The following SYN3 variants were observed in gnomAD, a reference collection of about 807,000 sequenced individuals.
The protein encoded by SYN3 is synapsin-3.
Under a neutral mutation model 65.8 loss-of-function variants are expected in SYN3, and 35 were observed. The ratio of observed to expected loss-of-function variants is 0.53; its 90% CI spans 0.41 to 0.70. The LOEUF is 0.70. SYN3 is among the 30% of genes least tolerant of loss of function. The pLI, the probability that SYN3 is intolerant of heterozygous loss-of-function variation, is 0.00. For synonymous variants in SYN3, 270 were observed against 292.9 expected, an observed-to-expected ratio of 0.92 and a Z score of 0.80; for missense variants, 680 against 749.0, an observed-to-expected ratio of 0.91 and a Z score of 1.08.
At chr22:32,557,427 G>A (rs2146333510) in intron 7 of SYN3, among the ~76,000 whole-genome samples, 1 of 152,194 alleles carries the variant, frequency 6.6e-6, no homozygotes, top group East Asian at 1.9e-4. Context: ...GTTGGCATGG[G>A]GCTTCATCTC....
At chr22:32,941,396 ACT>A (rs1483328926) in intron 3 of SYN3, among the ~76,000 whole-genome samples, 2 of 151,682 alleles carry the variant, frequency 1.3e-5, no homozygotes. Flanking sequence ...GCTTGAGCCC[ACT>A]CTCTCATTTG....
At chr22:32,762,324 G>T (rs2045506446) in intron 6 of SYN3, among the ~76,000 whole-genome samples, 1 of 152,022 alleles carries the variant, frequency 6.6e-6, no homozygotes, top group African/African-American at 2.4e-5. Context: ...CTTCCTCAGG[G>T]TTATAGCGGT....
intron 7 of SYN3, among the ~76,000 whole-genome samples, chr22:32,592,713 C>A (rs1281708582): frequency 1.6e-4 from 24 of 152,142 alleles, no homozygotes; most frequent in Admixed American, 1.6e-3. Context: ...TCCTAGGATG[C>A]CTTTTCCAAC....
At chr22:32,551,999 C>T (rs1375955582) in intron 7 of SYN3, among the ~76,000 whole-genome samples, 1 of 152,230 alleles carries the variant, frequency 6.6e-6, no homozygotes, top group South Asian at 2.1e-4. Flanking sequence ...GTCTGTAATC[C>T]CAGCACTTTG....
intron 6 of SYN3, among the ~76,000 whole-genome samples, chr22:32,707,736 G>A (rs1214180828): frequency 1.3e-5 from 2 of 152,148 alleles, no homozygotes; most frequent in Non-Finnish European, 2.9e-5. Flanking sequence ...GGTTTGGCCT[G>A]CTGCCTCCTG....
chr22:32,674,121 A>G (rs1051252932), intron 6 of SYN3, among the ~76,000 whole-genome samples: 4 of 152,106 alleles, frequency 2.6e-5, no homozygotes, highest in African/African-American at 9.7e-5. Flanking sequence ...GGCAGCCTAG[A>G]TATGGGTAGA....
At chr22:33,014,029 A>G (rs973084295) in intron 1 of SYN3, among the ~76,000 whole-genome samples, 3 of 149,654 alleles carry the variant, frequency 2.0e-5, no homozygotes, top group Non-Finnish European at 4.4e-5. Context: ...CTCGGCCTCC[A>G]GAGTAGCTGG....
intron 6 of SYN3, among the ~76,000 whole-genome samples, chr22:32,842,877 T>C (rs969567571): frequency 5.3e-5 from 8 of 152,146 alleles, no homozygotes; most frequent in African/African-American, 1.7e-4. Flanking sequence ...GTGTAAGTGA[T>C]TGGGAAGGGT....
chr22:32,931,306 G>T, intron 4 of SYN3, 84 bp downstream of exon 4: 1 of 888,974 alleles, frequency 1.1e-6, no homozygotes. Flanking sequence ...GAGTTAGGTC[G>T]CAGGAAGTGG....
intron 4 of SYN3, among the ~76,000 whole-genome samples, chr22:32,885,967 T>C (rs911236114): frequency 3.3e-5 from 5 of 152,290 alleles, no homozygotes; most frequent in African/African-American, 9.6e-5. Flanking sequence ...CTATGTTTCC[T>C]TGAAGCACAT....
intron 6 of SYN3, among the ~76,000 whole-genome samples, chr22:32,597,256 C>T (rs2059216315): frequency 8.5e-6 from 1 of 118,028 alleles, no homozygotes. Context: ...GCTCTTGTTG[C>T]CCAGGCTGGA....
chr22:32,727,910 T>C (rs538730381), intron 6 of SYN3, among the ~76,000 whole-genome samples: 2 of 152,332 alleles, frequency 1.3e-5, no homozygotes, highest in South Asian at 2.1e-4. Context: ...TGCAAGAACT[T>C]TCTCCCATTC....
intron 6 of SYN3, among the ~76,000 whole-genome samples, chr22:32,790,458 C>T (rs904779339): frequency 3.5e-5 from 5 of 142,440 alleles, no homozygotes; most frequent in Admixed American, 2.2e-4. Flanking sequence ...CGGAGTCTCG[C>T]TTTGTTGCCC....
intron 3 of SYN3, among the ~76,000 whole-genome samples, chr22:32,964,538 G>A (rs192571626): frequency 6.2e-4 from 94 of 152,104 alleles, no homozygotes; most frequent in Non-Finnish European, 1.3e-3. Context: ...TTCAAGTCTG[G>A]CTGGGCAACA....
At chr22:32,930,960 T>G (rs974837244) in intron 4 of SYN3, 1 of 155,832 alleles carries the variant, frequency 6.4e-6, no homozygotes, top group African/African-American at 2.4e-5. Flanking sequence ...TTGCAGGAAG[T>G]TGAATTTCAT....
rs1379512294 is a variant in SYN3 at position 32,666,879 on chromosome 22, T to C, written c.712-70143A>G. 2.0e-5 allele frequency among the ~76,000 whole-genome samples: 3 copies of C among 152,282 alleles called. No individual in the cohort carries two copies. The East Asian group carries it at 5.8e-4, about 29-fold the overall frequency. On this transcript the variant is annotated intron_variant, in intron 6 of 13. Transcript: ENST00000358763. Reference sequence around the variant, plus strand: ...TGGCCAAGGATTTACCAAGGAATAATGAACCACCTCCCCACCTCGACCAAG... The same window carrying C: ...TGGCCAAGGATTTACCAAGGAATAACGAACCACCTCCCCACCTCGACCAAG...
chr22:32,698,222 T>C (rs959962189), intron 6 of SYN3, among the ~76,000 whole-genome samples: 1 of 152,042 alleles, frequency 6.6e-6, no homozygotes, highest in African/African-American at 2.4e-5. Context: ...TCAGAAAAAA[T>C]TCACACAGTA....
chr22:32,650,626 T>C (rs1021021949), intron 6 of SYN3, among the ~76,000 whole-genome samples: 1 of 152,126 alleles, frequency 6.6e-6, no homozygotes, highest in Non-Finnish European at 1.5e-5. Flanking sequence ...GCTCCTACTC[T>C]TTCCCATTAC....
At chr22:32,608,951 T>C (rs2059404883) in intron 6 of SYN3, among the ~76,000 whole-genome samples, 2 of 152,200 alleles carry the variant, frequency 1.3e-5, no homozygotes, top group South Asian at 4.1e-4. Context: ...CCATTGCTCT[T>C]TTTTTCTTCT....
Sources: gnomAD v4.1 joint callset for allele counts (sites outside exome capture counted in the v4.1 genomes callset) on GRCh38, gnomAD v4.1.1 for gene constraint, MANE v1.5 for transcripts, NCBI Gene and HGNC (gene_info 2026-07-23, HGNC 2026-07-21) for gene names.